The following PRKD1 variants were observed in gnomAD, a reference collection of about 807,000 sequenced individuals.
PRKD1 encodes serine/threonine-protein kinase D1.
PRKD1 carries 63 observed loss-of-function variants against 95.9 expected under a neutral mutation model. The ratio of observed to expected loss-of-function variants is 0.66; its 90% CI spans 0.54 to 0.81. The LOEUF (loss-of-function observed/expected upper bound fraction) is 0.81. Among genes scored for constraint, PRKD1 ranks in the 30% least tolerant of loss-of-function variants. The pLI, the probability that PRKD1 is intolerant of heterozygous loss-of-function variation, is 0.00. For synonymous variants in PRKD1, 425 were observed against 423.1 expected (o/e 1.00, Z -0.05); for missense variants, 1,048 against 1,165.3 (o/e 0.90, Z 1.47).
chr14:29,893,134 T>A (rs1893997221), intron 1 of PRKD1, among the ~76,000 whole-genome samples: 2 of 152,152 alleles, frequency 1.3e-5, no homozygotes, highest in African/African-American at 4.8e-5. Context: ...TTAGTAAATT[T>A]TCATTTTATT....
intron 1 of PRKD1, among the ~76,000 whole-genome samples, chr14:29,892,620 A>G: frequency 6.6e-6 from 1 of 152,160 alleles, no homozygotes; most frequent in Non-Finnish European, 1.5e-5. Context: ...AAGGTAGATG[A>G]TCAAGGCTGA....
chr14:29,645,330 T>C (rs1025552290), intron 4 of PRKD1, among the ~76,000 whole-genome samples: 2 of 152,128 alleles, frequency 1.3e-5, no homozygotes, highest in African/African-American at 4.8e-5. Context: ...ACCTGAGTCA[T>C]GCATGTTTTC....
chr14:29,599,507 A>C, intron 14 of PRKD1, 149 bp downstream of exon 14: 1 of 707,840 alleles, frequency 1.4e-6, no homozygotes, highest in Non-Finnish European at 2.3e-6. Context: ...GATATAAATC[A>C]CATAATACAA....
rs147079132 is a variant in PRKD1, at chr14:29,702,663, T to C, written c.403+22873A>G. 5.4e-3 allele frequency among the ~76,000 whole-genome samples: 829 copies of C among 152,222 alleles called. 10 individuals carry two copies. The highest frequency in any genetic ancestry group is 7.2e-3 in the Non-Finnish European group (490 of 67,984). On this transcript the variant is annotated intron_variant, in intron 2 of 17. Coordinates refer to ENST00000331968, the MANE Select transcript of PRKD1 (RefSeq NM_002742.3). ...TCATTTAGATTTTCAAAGGTATTGA[T>C]AAAAAGTTATGCATAGTATTATCTT... is the stretch of plus-strand genomic sequence containing the variant.
At position 29,609,854 on chromosome 14, in the gene PRKD1, C is replaced by T. The variant is rs547694822; in HGVS notation, c.1906-10037G>A. On this transcript the variant is annotated intron_variant, in intron 13 of 17. Coordinates refer to ENST00000331968, the MANE Select transcript of PRKD1 (RefSeq NM_002742.3). ...AATTACAGGCATAAGCCACCATGCC[C>T]GGCCAAAAACCATGTATATTCAAAA... Among the ~76,000 whole-genome samples the T allele has an allele frequency of 1.3e-3, 196 of 151,866 alleles. 2 individuals carry two copies. Among genetic ancestry groups the T allele is most frequent in the Non-Finnish European group, 2.1e-3 (144 of 67,934 alleles).
chr14:29,582,925 T>G (rs187650732), intron 16 of PRKD1, among the ~76,000 whole-genome samples: 2 of 151,892 alleles, frequency 1.3e-5, no homozygotes, highest in Non-Finnish European at 2.9e-5. Context: ...AAAAACAAAG[T>G]AAAGGAGAAA....
chr14:29,811,281 C>A (rs1342756612), intron 1 of PRKD1, among the ~76,000 whole-genome samples: 2 of 152,142 alleles, frequency 1.3e-5, no homozygotes, highest in African/African-American at 4.8e-5. Context: ...AGGGTTCTAC[C>A]CCCACATGCG....
intron 1 of PRKD1, among the ~76,000 whole-genome samples, chr14:29,922,216 C>G (rs1640362525): frequency 6.6e-6 from 1 of 150,664 alleles, no homozygotes; most frequent in East Asian, 2.0e-4. Flanking sequence ...CAGGAGAATG[C>G]TGTGAACCCA....
At chr14:29,599,463 C>G (rs1284189798) in intron 14 of PRKD1, among the ~76,000 whole-genome samples, 193 bp downstream of exon 14, 3 of 152,112 alleles carry the variant, frequency 2.0e-5, no homozygotes, top group African/African-American at 7.2e-5. Flanking sequence ...AAACATGTTA[C>G]TAATTTGGTA....
chr14:29,748,715 T>C (rs945826417), intron 1 of PRKD1, among the ~76,000 whole-genome samples: 6 of 152,184 alleles, frequency 3.9e-5, no homozygotes, highest in Non-Finnish European at 8.8e-5. Flanking sequence ...ATAATAGGTA[T>C]TCAGTAAATA....
intron 13 of PRKD1, among the ~76,000 whole-genome samples, chr14:29,601,278 T>G (rs1893506846): frequency 6.6e-6 from 1 of 152,198 alleles, no homozygotes; most frequent in African/African-American, 2.4e-5. Flanking sequence ...GCTCTGATGA[T>G]GATAACTCAT....
chr14:29,596,120 T>G (rs957131993), intron 16 of PRKD1, among the ~76,000 whole-genome samples: 2 of 152,236 alleles, frequency 1.3e-5, no homozygotes, highest in Non-Finnish European at 2.9e-5. Flanking sequence ...TGTTAAAGGT[T>G]GTTGCTAATG....
intron 16 of PRKD1, among the ~76,000 whole-genome samples, chr14:29,580,408 A>G (rs1324883039): frequency 3.3e-5 from 5 of 152,128 alleles, no homozygotes; most frequent in Admixed American, 1.3e-4. Context: ...TCCAAGAGAA[A>G]ATGGTTAAGG....
intron 2 of PRKD1, among the ~76,000 whole-genome samples, chr14:29,717,455 T>A (rs1247586724): frequency 6.6e-6 from 1 of 152,130 alleles, no homozygotes; most frequent in Non-Finnish European, 1.5e-5. Context: ...GAACATTATA[T>A]AAGAAATAAA....
intron 1 of PRKD1, among the ~76,000 whole-genome samples, chr14:29,831,177 A>G (rs535641979): frequency 1.3e-5 from 2 of 152,318 alleles, no homozygotes; most frequent in South Asian, 4.1e-4. Flanking sequence ...ATGCCTCAAT[A>G]CAACCCTATT....
intron 1 of PRKD1, among the ~76,000 whole-genome samples, chr14:29,726,561 C>A (rs1886155165): frequency 6.6e-6 from 1 of 152,084 alleles, no homozygotes; most frequent in South Asian, 2.1e-4. Flanking sequence ...CCTTAAGAAG[C>A]TACTGTCGGG....
chr14:29,861,142 C>T (rs1261844726), intron 1 of PRKD1, among the ~76,000 whole-genome samples: 1 of 152,120 alleles, frequency 6.6e-6, no homozygotes, highest in Non-Finnish European at 1.5e-5. Context: ...TTTAGCCCAA[C>T]AAACTATGAC....
chr14:29,750,578 G>A (rs1054350513), intron 1 of PRKD1, among the ~76,000 whole-genome samples: 4 of 151,466 alleles, frequency 2.6e-5, no homozygotes, highest in African/African-American at 9.8e-5. Context: ...ACCAGCCTTG[G>A]ACAGGACATC....
chr14:29,659,568 C>T (rs1301673935), intron 4 of PRKD1, among the ~76,000 whole-genome samples: 1 of 152,074 alleles, frequency 6.6e-6, no homozygotes, highest in Non-Finnish European at 1.5e-5. Flanking sequence ...GTCGTTTGGG[C>T]CAATATACAA....
Sources: allele counts gnomAD v4.1 joint callset (sites outside exome capture counted in the v4.1 genomes callset), GRCh38; gene constraint gnomAD v4.1.1; transcripts MANE v1.5; gene names NCBI Gene and HGNC (gene_info 2026-07-23, HGNC 2026-07-21).